Variants in KAZN observed in about 807,000 individuals in gnomAD.
KAZN encodes the protein kazrin, periplakin interacting protein.
A neutral mutation model predicts 87.4 loss-of-function variants in KAZN; 40 were observed. The ratio of observed to expected loss-of-function variants is 0.46; its 90% CI spans 0.36 to 0.60. KAZN has a LOEUF of 0.60. Among genes scored for constraint, KAZN ranks in the 20% least tolerant of loss-of-function variants. The probability of loss-of-function intolerance (pLI) is 0.00; values close to 1 mark genes in which losing one functional copy is unlikely to be tolerated. For synonymous variants in KAZN, 466 were observed against 458.3 expected (o/e 1.02, Z -0.22); for missense variants, 898 against 1,073.9 (o/e 0.84, Z 2.29).
At chr1:14,549,137 T>C (rs962821534) in intron 2 of KAZN, among the ~76,000 whole-genome samples, 1 of 152,210 alleles carries the variant, frequency 6.6e-6, no homozygotes, top group East Asian at 1.9e-4. Context: ...TAATAATTTT[T>C]CGGTAGAGTC....
chr1:14,467,574 C>T (rs1668233337), intron 2 of KAZN, among the ~76,000 whole-genome samples: 1 of 141,700 alleles, frequency 7.1e-6, no homozygotes, highest in Non-Finnish European at 1.5e-5. Context: ...CAATTATATA[C>T]ATTCTACAAG....
rs147492160 is a variant in KAZN at position 14,520,540 on chromosome 1, C to G, written c.250-78443C>G. ...CCCATCTCCATAAAAAGCAGTGGCT[C>G]ATGGGACAACCAAGAGAGCTCCTCT... On this transcript the variant is annotated intron_variant, in intron 2 of 16. Coordinates refer to the KAZN transcript ENST00000636203. 6.6e-3 allele frequency among the ~76,000 whole-genome samples: 1,008 copies of G among 152,302 alleles called. 9 individuals carry two copies. The highest frequency in any genetic ancestry group is 0.023 in the African/African-American group (950 of 41,560).
chr1:14,123,925 T>G (rs16853611), intron 1 of KAZN, among the ~76,000 whole-genome samples: 2,916 of 152,230 alleles, frequency 0.019, 98 homozygotes, highest in African/African-American at 0.066. Context: ...TGGCCCAGGC[T>G]TCTCCCTTCA....
chr1:14,004,878 T>C (rs766033401), intron 1 of KAZN, among the ~76,000 whole-genome samples: 5 of 152,118 alleles, frequency 3.3e-5, no homozygotes, highest in Non-Finnish European at 7.4e-5. Context: ...GGTGGGGAAC[T>C]GGTGGCTTTA....
At chr1:14,754,421 T>C (rs1373862608) in intron 1 of KAZN, among the ~76,000 whole-genome samples, 1 of 150,690 alleles carries the variant, frequency 6.6e-6, no homozygotes, top group Non-Finnish European at 1.5e-5. Context: ...TCCCCTGAGG[T>C]CAGGAGTTCA....
chr1:14,427,531 C>T (rs1248431746), intron 2 of KAZN, among the ~76,000 whole-genome samples: 1 of 151,954 alleles, frequency 6.6e-6, no homozygotes, highest in African/African-American at 2.4e-5. Flanking sequence ...CACACACACA[C>T]ACAGTATACA....
chr1:14,595,482 A>C (rs1452571276), upstream of KAZN, among the ~76,000 whole-genome samples: 1 of 151,978 alleles, frequency 6.6e-6, no homozygotes, highest in East Asian at 1.9e-4. Flanking sequence ...GTTCGAGACC[A>C]ACCTGGCCAA....
chr1:14,422,148 T>G (rs1187336171), intron 2 of KAZN, among the ~76,000 whole-genome samples: 1 of 152,162 alleles, frequency 6.6e-6, no homozygotes, highest in Non-Finnish European at 1.5e-5. Flanking sequence ...AAATCGCTAT[T>G]TTACCTTTGT....
Position 14,599,110 on chromosome 1 carries a change from C to A in KAZN, c.113C>A (p.Ala38Glu). 6.5e-7 allele frequency: 1 copy of A among 1,544,756 alleles called. No homozygotes were observed. The highest frequency in any genetic ancestry group is 8.7e-7 in the Non-Finnish European group (1 of 1,149,622). Residue 38 changes from alanine to glutamate, a missense_variant, in exon 1 of 15, where the codon GCG becomes GAG. Physicochemically the swap from Ala to Glu is moderately radical, Grantham distance 107. Transcript: ENST00000376030. The surrounding 1 kb of genome is among the most constrained non-coding windows in gnomAD (Gnocchi z 4.4). ...AELTATNRRL[A>E]ELSGGGGPGP... ...CTCACGGCCACCAACCGGAGACTGGCGGAACTGAGCGGCGGCGGCGGCCCC... is the reference window on the plus strand; with the variant it reads ...CTCACGGCCACCAACCGGAGACTGGAGGAACTGAGCGGCGGCGGCGGCCCC...
chr1:14,636,974 A>G (rs72865012), intron 1 of KAZN, among the ~76,000 whole-genome samples: 6,465 of 152,278 alleles, frequency 0.042, 179 homozygotes, highest in Middle Eastern at 0.068. Context: ...AGGAAACCTT[A>G]AAAGCTATAA....
intron 2 of KAZN, among the ~76,000 whole-genome samples, chr1:14,380,663 C>T (rs1233178901): frequency 6.6e-6 from 1 of 151,982 alleles, no homozygotes; most frequent in African/African-American, 2.4e-5. Flanking sequence ...TTTGAAAATA[C>T]ACAGTCAGAG....
intron 2 of KAZN, among the ~76,000 whole-genome samples, chr1:14,249,058 T>G (rs1298094603): frequency 1.3e-5 from 2 of 152,216 alleles, no homozygotes; most frequent in Non-Finnish European, 2.9e-5. Flanking sequence ...TCTCCATTAT[T>G]TCAATGGCAA....
chr1:14,951,342 T>TG (rs1662459806), intron 1 of KAZN, among the ~76,000 whole-genome samples: 1 of 152,186 alleles, frequency 6.6e-6, no homozygotes, highest in Admixed American at 6.5e-5. Context: ...CCTGCTTTGT[T>TG]GAATACGTTA....
intron 2 of KAZN, among the ~76,000 whole-genome samples, chr1:14,299,717 G>A (rs1654397221): frequency 1.3e-5 from 2 of 152,154 alleles, no homozygotes; most frequent in Admixed American, 6.5e-5. Context: ...CCTAGGTAAT[G>A]TTCTTCTCAA....
intron 1 of KAZN, among the ~76,000 whole-genome samples, chr1:14,651,822 A>G (rs1007565332): frequency 3.3e-5 from 5 of 152,178 alleles, no homozygotes; most frequent in Non-Finnish European, 5.9e-5. Flanking sequence ...GTCTGCTGTG[A>G]TTAAATGGCC....
chr1:14,398,023 G>A (rs923138558), intron 2 of KAZN, among the ~76,000 whole-genome samples: 1 of 152,158 alleles, frequency 6.6e-6, no homozygotes, highest in African/African-American at 2.4e-5. Context: ...CAAAGTTCCC[G>A]ATTGACTCAT....
At chr1:14,157,808 G>A (rs951028488) in intron 1 of KAZN, among the ~76,000 whole-genome samples, 2 of 152,160 alleles carry the variant, frequency 1.3e-5, no homozygotes, top group African/African-American at 4.8e-5. Flanking sequence ...TGCTGGGGGG[G>A]CCTCAGGAAG....
At chr1:13,953,596 C>G (rs1263584327) in intron 1 of KAZN, among the ~76,000 whole-genome samples, 1 of 151,914 alleles carries the variant, frequency 6.6e-6, no homozygotes, top group Non-Finnish European at 1.5e-5. Flanking sequence ...TGTTAGTAAC[C>G]CTTTCTTTCT....
intron 1 of KAZN, among the ~76,000 whole-genome samples, chr1:14,019,589 A>G (rs1391165108): frequency 6.6e-6 from 1 of 152,188 alleles, no homozygotes; most frequent in Admixed American, 6.5e-5. Flanking sequence ...AGATATTGCC[A>G]AGAACACATC....
Sources: allele counts gnomAD v4.1 joint callset (sites outside exome capture counted in the v4.1 genomes callset), GRCh38; gene constraint gnomAD v4.1.1; non-coding constraint Gnocchi (gnomAD v3.1); transcripts MANE v1.5; gene names NCBI Gene and HGNC (gene_info 2026-07-23, HGNC 2026-07-21).